The following FGF12 variants were observed in gnomAD, a reference collection of about 807,000 sequenced individuals.
FGF12 encodes fibroblast growth factor 12B.
FGF12 carries 14 observed loss-of-function variants against 23.6 expected under a neutral mutation model. That is an observed-to-expected ratio of 0.59 (90% CI 0.39 to 0.93). The LOEUF (loss-of-function observed/expected upper bound fraction) is 0.93, where lower values mean the gene tolerates loss of function less well. Among genes scored for constraint, FGF12 ranks in the 40% least tolerant of loss-of-function variants. The pLI, the probability that FGF12 is intolerant of heterozygous loss-of-function variation, is 0.00. For missense variants in FGF12, 175 were observed against 217.8 expected (o/e 0.80, Z 1.24); for synonymous variants, 62 against 77.3 (o/e 0.80, Z 1.04).
intron 2 of FGF12, among the ~76,000 whole-genome samples, chr3:192,448,963 A>G (rs184545648): frequency 3.9e-5 from 6 of 152,330 alleles, no homozygotes; most frequent in African/African-American, 1.4e-4. Context: ...CTGTACATTT[A>G]TGTCAGTATC....
intron 4 of FGF12, among the ~76,000 whole-genome samples, chr3:192,305,677 A>ATATATATATATATATAT (rs1273411210): frequency 1.8e-5 from 2 of 111,936 alleles, no homozygotes; most frequent in Non-Finnish European, 3.6e-5. Context: ...AAAAAAAAAA[A>ATATATATATATATATAT]AAATATATAT....
intron 2 of FGF12, among the ~76,000 whole-genome samples, chr3:192,403,230 T>G (rs997125380): frequency 9.8e-5 from 15 of 152,298 alleles, no homozygotes; most frequent in African/African-American, 3.1e-4. Flanking sequence ...TTTCTAAAGA[T>G]CTTCCAAAAT....
chr3:192,255,632 T>C (rs1198879987), intron 4 of FGF12, among the ~76,000 whole-genome samples: 1 of 152,104 alleles, frequency 6.6e-6, no homozygotes, highest in Non-Finnish European at 1.5e-5. Context: ...ATTTCTTTAT[T>C]ATTTGCAATC....
intron 2 of FGF12, among the ~76,000 whole-genome samples, chr3:192,530,110 C>A (rs987182244): frequency 6.6e-6 from 1 of 152,050 alleles, no homozygotes; most frequent in African/African-American, 2.4e-5. Flanking sequence ...TTCTGTTCAT[C>A]CTTCTCTCTC....
chr3:192,201,152 GA>G (rs988465791), intron 4 of FGF12, among the ~76,000 whole-genome samples: 3 of 152,190 alleles, frequency 2.0e-5, no homozygotes, highest in African/African-American at 7.2e-5. Flanking sequence ...GATGATGTAT[GA>G]ATATGGAAGG....
intron 4 of FGF12, among the ~76,000 whole-genome samples, chr3:192,304,166 C>T (rs1392549985): frequency 6.6e-6 from 1 of 151,982 alleles, no homozygotes; most frequent in Non-Finnish European, 1.5e-5. Flanking sequence ...CTAAATGACC[C>T]CCAAAGCAAT....
intron 2 of FGF12, among the ~76,000 whole-genome samples, chr3:192,636,630 T>C (rs985831674): frequency 2.0e-5 from 3 of 152,302 alleles, no homozygotes; most frequent in African/African-American, 7.2e-5. Context: ...TCAGAATTGG[T>C]GCAGAGTTTG....
At chr3:192,487,793 G>C in intron 2 of FGF12, among the ~76,000 whole-genome samples, 1 of 152,086 alleles carries the variant, frequency 6.6e-6, no homozygotes, top group Non-Finnish European at 1.5e-5. Flanking sequence ...TGGAAAGTAT[G>C]CAATTTAGTC....
chr3:192,148,069 A>C (rs1188627537), intron 5 of FGF12, among the ~76,000 whole-genome samples: 6 of 152,212 alleles, frequency 3.9e-5, no homozygotes, highest in Admixed American at 3.9e-4. Flanking sequence ...TCAAAAAATT[A>C]AATACGGATG....
chr3:192,194,637 T>C (rs1716969411), intron 4 of FGF12, among the ~76,000 whole-genome samples: 1 of 152,170 alleles, frequency 6.6e-6, no homozygotes, highest in Non-Finnish European at 1.5e-5. Context: ...ATCATATGGA[T>C]GGATTCAGAG....
At position 192,624,714 on chromosome 3, in the gene FGF12, A is replaced by G. The variant is rs187583108; in HGVS notation, c.13+102467T>C. Among the ~76,000 whole-genome samples, 153 of 152,296 alleles carry G rather than the reference A, an allele frequency of 1.0e-3. 1 individual carries two copies. Among genetic ancestry groups the G allele is most frequent in the Non-Finnish European group, 1.7e-3 (118 of 67,994 alleles). ...GAGAAAGTTGCTTTTAAACATTTCC[A>G]TTTACTATATATTATGTGTGTATAC... On this transcript the variant is annotated intron_variant, in intron 2 of 5. Transcript: ENST00000445105.
chr3:192,631,344 A>G (rs1190465136), intron 2 of FGF12, among the ~76,000 whole-genome samples: 2 of 152,238 alleles, frequency 1.3e-5, no homozygotes, highest in Admixed American at 1.3e-4. Context: ...ATCCATCACG[A>G]CATCTAGCCC....
intron 4 of FGF12, chr3:192,238,570 TAA>T (rs1719429078): frequency 6.6e-6 from 1 of 152,214 alleles, no homozygotes; most frequent in Admixed American, 6.5e-5. Context: ...CTGTAATTTT[TAA>T]AGTTTTCTTA....
intron 2 of FGF12, among the ~76,000 whole-genome samples, chr3:192,537,015 A>C (rs1725240247): frequency 6.6e-6 from 1 of 152,018 alleles, no homozygotes; most frequent in Non-Finnish European, 1.5e-5. Flanking sequence ...CAATTGTTTT[A>C]ATTTTTAGCT....
At position 192,310,766 on chromosome 3, in the gene FGF12, A is replaced by G. The variant is rs149755074; in HGVS notation, c.228+24595T>C. On this transcript the variant is annotated intron_variant, in intron 4 of 5. Transcript: ENST00000445105. ...AATCATTTGGAAGCCCAAGCTCAGT[A>G]AGTACAGTTAAATACCAGTCCTAGG... 5.2e-3 allele frequency among the ~76,000 whole-genome samples: 790 copies of G among 152,306 alleles called. 8 individuals carry two copies. Among genetic ancestry groups the G allele is most frequent in the African/African-American group, 0.018 (744 of 41,574 alleles).
At chr3:192,208,402 C>T (rs1465103545) in intron 4 of FGF12, among the ~76,000 whole-genome samples, 2 of 152,162 alleles carry the variant, frequency 1.3e-5, no homozygotes, top group Non-Finnish European at 1.5e-5. Flanking sequence ...TGAATAAGAA[C>T]CTCTATTGTC....
chr3:192,360,244 C>T lies in FGF12; in HGVS notation c.124+184G>A, dbSNP rs1718657432. ...TTCTCTTAAGTGCATAACCTCTCTC[C>T]TATACTGTCTTTGCTGTAGGAAATC... On this transcript the variant is annotated intron_variant, in intron 3 of 5. Coordinates refer to ENST00000445105, the MANE Select transcript of FGF12 (RefSeq NM_004113.6). This position sits in a 1 kb window ranked among gnomAD's most constrained non-coding sequence, Gnocchi z 4.3. Among the ~76,000 whole-genome samples the T allele has an allele frequency of 2.0e-5, 3 of 152,124 alleles. No homozygotes were observed. In the South Asian group the frequency reaches 6.2e-4, roughly 31 times the overall value.
chr3:192,611,265 A>C (rs1029009572), intron 2 of FGF12, among the ~76,000 whole-genome samples: 1 of 152,060 alleles, frequency 6.6e-6, no homozygotes, highest in East Asian at 1.9e-4. Context: ...GGAAGATCAG[A>C]GTATCCTTGA....
intron 4 of FGF12, among the ~76,000 whole-genome samples, chr3:192,260,624 T>C (rs1473465569): frequency 3.9e-5 from 6 of 152,292 alleles, no homozygotes; most frequent in Non-Finnish European, 2.9e-5. Flanking sequence ...AAGGTATAAA[T>C]AGAGGTCCAA....
Sources: allele counts gnomAD v4.1 joint callset (sites outside exome capture counted in the v4.1 genomes callset), GRCh38; gene constraint gnomAD v4.1.1; non-coding constraint Gnocchi (gnomAD v3.1); transcripts MANE v1.5; gene names NCBI Gene and HGNC (gene_info 2026-07-23, HGNC 2026-07-21).